Variants in SYNPO2 observed in about 807,000 individuals in gnomAD.
The protein encoded by SYNPO2 is synaptopodin 2, also known as synaptopodin-2.
Under a neutral mutation model 85.0 loss-of-function variants are expected in SYNPO2, and 56 were observed. That is an observed-to-expected ratio of 0.66 (90% CI 0.53 to 0.82). The LOEUF is 0.82. Ranked by LOEUF, SYNPO2 falls within the 40% of genes least tolerant of loss-of-function variation. The pLI is 0.00. For synonymous variants in SYNPO2, 602 were observed against 591.1 expected, an observed-to-expected ratio of 1.02 and a Z score of -0.27; for missense variants, 1,575 against 1,534.2, an observed-to-expected ratio of 1.03 and a Z score of -0.44.
intron 1 of SYNPO2, among the ~76,000 whole-genome samples, chr4:118,922,759 A>T (rs1733582809): frequency 6.6e-6 from 1 of 151,400 alleles, no homozygotes; most frequent in Non-Finnish European, 1.5e-5. Flanking sequence ...TTATAATGGG[A>T]TAGAGAGACT....
intron 1 of SYNPO2, among the ~76,000 whole-genome samples, chr4:118,879,195 C>T (rs552605349): frequency 2.9e-4 from 44 of 152,272 alleles, no homozygotes; most frequent in African/African-American, 6.7e-4. Flanking sequence ...TCTTTAAGAA[C>T]GGTAACACTC....
chr4:118,956,342 T>C (rs1734874034), intron 1 of SYNPO2, among the ~76,000 whole-genome samples: 1 of 152,170 alleles, frequency 6.6e-6, no homozygotes, highest in Non-Finnish European at 1.5e-5. Flanking sequence ...TGGGTATTAA[T>C]GAAGGAAATG....
At chr4:119,034,088 A>G in intron 4 of SYNPO2, 2 of 985,428 alleles carry the variant, frequency 2.0e-6, no homozygotes, top group Non-Finnish European at 1.2e-6. Context: ...AAAGCAATCT[A>G]TTCATTATAT....
intron 1 of SYNPO2, among the ~76,000 whole-genome samples, chr4:118,880,337 G>A (rs1732059113): frequency 6.6e-6 from 1 of 152,114 alleles, no homozygotes; most frequent in Non-Finnish European, 1.5e-5. Flanking sequence ...TTCATATGTT[G>A]AAGACCTAAT....
intron 4 of SYNPO2, chr4:119,032,256 T>G: frequency 7.1e-7 from 1 of 1,416,514 alleles, no homozygotes. Context: ...TTTATCTTCT[T>G]TGCACACTTA....
At chr4:118,872,191 A>G (rs1055052465) in intron 1 of SYNPO2, among the ~76,000 whole-genome samples, 7 of 152,340 alleles carry the variant, frequency 4.6e-5, no homozygotes, top group African/African-American at 1.7e-4. Context: ...GCAGTGGTGA[A>G]GTCAGGGTTT....
chr4:119,023,319 A>T, intron 1 of SYNPO2, 111 bp from the exon 2 acceptor site: 4 of 1,171,664 alleles, frequency 3.4e-6, no homozygotes, highest in Non-Finnish European at 4.7e-6. Flanking sequence ...TAACAGGTGA[A>T]TTAAAATTCA....
At chr4:118,881,281 G>T (rs1453599893) in intron 1 of SYNPO2, among the ~76,000 whole-genome samples, 1 of 145,642 alleles carries the variant, frequency 6.9e-6, no homozygotes, top group Non-Finnish European at 1.5e-5. Flanking sequence ...CAGCCTGGGC[G>T]ACAGAGCAAA....
At chr4:118,946,685 T>C (rs1734517104) in intron 1 of SYNPO2, among the ~76,000 whole-genome samples, 1 of 152,196 alleles carries the variant, frequency 6.6e-6, no homozygotes, top group Admixed American at 6.5e-5. Context: ...TTGATTAATA[T>C]TGTTAGAGAT....
chr4:119,007,227 TATATATATATATATATATGTATATAC>T (rs1166676634), intron 1 of SYNPO2, among the ~76,000 whole-genome samples: 239 of 48,688 alleles, frequency 4.9e-3, no homozygotes, highest in East Asian at 0.02. Flanking sequence ...TATATATATA[TATATATATATATATATATGTATATAC>T]ATATATATAT....
intron 1 of SYNPO2, among the ~76,000 whole-genome samples, chr4:118,988,054 T>A (rs1461253653): frequency 6.6e-6 from 1 of 152,206 alleles, no homozygotes; most frequent in Non-Finnish European, 1.5e-5. Flanking sequence ...AATTCAAACA[T>A]AACAACATGT....
chr4:118,926,014 CGGT>C (rs371664944), intron 1 of SYNPO2, among the ~76,000 whole-genome samples: 9 of 152,050 alleles, frequency 5.9e-5, no homozygotes, highest in African/African-American at 2.2e-4. Context: ...GCACAGTAGT[CGGT>C]GGGAGGGCAG....
chr4:118,931,118 A>G (rs1733918378), intron 1 of SYNPO2, among the ~76,000 whole-genome samples: 1 of 152,114 alleles, frequency 6.6e-6, no homozygotes, highest in African/African-American at 2.4e-5. Context: ...TCTTAGATAC[A>G]TGTTCAATAA....
chr4:118,884,940 C>T (rs1732172577), upstream of SYNPO2, among the ~76,000 whole-genome samples: 1 of 152,232 alleles, frequency 6.6e-6, no homozygotes, highest in East Asian at 1.9e-4. Flanking sequence ...GATAGTAGCA[C>T]GTGGAAGGAA....
intron 1 of SYNPO2, among the ~76,000 whole-genome samples, chr4:118,934,601 A>G (rs970614452): frequency 3.9e-5 from 6 of 152,214 alleles, no homozygotes; most frequent in Admixed American, 3.9e-4. Context: ...ATGCCAGTGA[A>G]CTACACAAGT....
At chr4:118,953,292 T>C (rs934342534) in intron 1 of SYNPO2, among the ~76,000 whole-genome samples, 4 of 152,168 alleles carry the variant, frequency 2.6e-5, no homozygotes, top group Non-Finnish European at 2.9e-5. Context: ...GAGCACACCA[T>C]TGTTTTCATG....
At chr4:118,949,835 G>A (rs575411116) in intron 1 of SYNPO2, among the ~76,000 whole-genome samples, 1 of 152,126 alleles carries the variant, frequency 6.6e-6, no homozygotes, top group Non-Finnish European at 1.5e-5. Flanking sequence ...CTATCAAGTC[G>A]ATCGTCATTA....
intron 1 of SYNPO2, among the ~76,000 whole-genome samples, chr4:118,879,292 A>G (rs917401913): frequency 6.6e-5 from 10 of 152,316 alleles, no homozygotes; most frequent in Admixed American, 6.5e-5. Flanking sequence ...AGAAGTGCCA[A>G]TTCAGAGAGG....
chr4:118,888,674 C>A (rs1296669948), upstream of SYNPO2, among the ~76,000 whole-genome samples: 1 of 152,216 alleles, frequency 6.6e-6, no homozygotes, highest in Non-Finnish European at 1.5e-5. Flanking sequence ...TGCAAGATAA[C>A]TTTGGCTCTC....
Sources: gnomAD v4.1 joint callset for allele counts (sites outside exome capture counted in the v4.1 genomes callset) on GRCh38, gnomAD v4.1.1 for gene constraint, MANE v1.5 for transcripts, NCBI Gene and HGNC (gene_info 2026-07-23, HGNC 2026-07-21) for gene names.